Variants in COL18A1 observed in about 807,000 individuals in gnomAD.
The protein encoded by COL18A1 is collagen alpha-1(XVIII) chain.
Under a neutral mutation model 168.0 loss-of-function variants are expected in COL18A1, and 133 were observed. The observed-to-expected ratio is 0.79, with a 90% CI of 0.69 to 0.91. The LOEUF (loss-of-function observed/expected upper bound fraction) is 0.91, where lower values mean the gene tolerates loss of function less well. Ranked by LOEUF, COL18A1 falls within the 40% of genes least tolerant of loss-of-function variation. The pLI, the probability that COL18A1 is intolerant of heterozygous loss-of-function variation, is 0.00. For missense variants in COL18A1, 2,126 were observed against 1,925.4 expected, an observed-to-expected ratio of 1.10 and a Z score of -1.95; for synonymous variants, 949 against 809.0, an observed-to-expected ratio of 1.17 and a Z score of -2.94.
chr21:45,512,307 G>T lies in COL18A1; in HGVS notation c.3929G>T (p.Gly1310Val). ...SATGQASSLLGGRLLGQSAAS... is the reference protein window; with the variant it reads ...SATGQASSLLVGRLLGQSAAS... ...ACGGGCCAGGCCTCCTCGCTGCTGG[G>T]GGGCAGGCTCCTGGGGCAGAGTGCC... Residue 1310 changes from glycine to valine, a missense_variant, in exon 42 of 42, where the codon GGG (glycine) becomes GTG (valine). Transcript: ENST00000651438. The T allele has an allele frequency of 1.2e-6, 2 of 1,612,490 alleles. No homozygotes were observed. The highest frequency in any genetic ancestry group is 2.7e-5 in the African/African-American group (2 of 75,044).
chr21:45,509,520 G>A lies in COL18A1; in HGVS notation c.3414G>A (p.Pro1138=), dbSNP rs755052814. Residue 1138 remains proline (P), a synonymous_variant, in exon 39 of 42, where the codon CCG becomes CCA. Coordinates refer to ENST00000651438, the MANE Select transcript of COL18A1 (RefSeq NM_001379500.1). ...LPEPQPYPGA[P]HHSSYVHLRP... ...AGCCCCAGCCCTACCCCGGAGCCCC[G>A]CACCACAGCTCCTACGTGCACCTGC... 39 of 1,533,546 alleles carry A rather than the reference G, an allele frequency of 2.5e-5. No homozygotes were observed. The highest frequency in any genetic ancestry group is 3.1e-5 in the Non-Finnish European group (35 of 1,139,752). The allele number at this position is 1,533,546 out of a possible 1,614,324, so 95.0% of individuals were successfully genotyped here. A position where few individuals can be genotyped will look rare whatever the true frequency, so the allele number is the denominator to read the frequency against.
At chr21:45,496,169 T>C in intron 29 of COL18A1, 5 of 492,880 alleles carry the variant, frequency 1.0e-5, no homozygotes, top group South Asian at 8.8e-5. Flanking sequence ...TCCACTCTGC[T>C]GTCTTTTGAG....
rs2036490183 is a variant in COL18A1 at position 45,495,254 on chromosome 21, T to C, written c.2434-104T>C. ...AGCTGGGAACGTGTGAGGCTGAGCG[T>C]GGGCCGGCCGGGCCTGGCGTGGGGC... On this transcript the variant is annotated intron_variant, in intron 28 of 41. Coordinates refer to ENST00000651438, the MANE Select transcript of COL18A1 (RefSeq NM_001379500.1). 3.2e-6 allele frequency: 3 copies of C among 944,596 alleles called. No individual in the cohort carries two copies. In the South Asian group the frequency reaches 4.2e-5, roughly 13 times the overall value. The allele number at this position is 944,596 out of a possible 1,614,324, so 58.5% of individuals were successfully genotyped here. A position where few individuals can be genotyped will look rare whatever the true frequency, so the allele number is the denominator to read the frequency against.
At chr21:45,492,454 G>A (rs1457796096) in intron 22 of COL18A1, 81 bp from the exon 23 acceptor site, 3 of 1,528,230 alleles carry the variant, frequency 2.0e-6, no homozygotes, top group Admixed American at 1.7e-5. Flanking sequence ...TTGGTGTTTT[G>A]TTGATCTGTA....
intron 2 of COL18A1, among the ~76,000 whole-genome samples, chr21:45,432,329 G>A (rs9983590): frequency 0.18 from 26,714 of 152,162 alleles, 3,172 homozygotes; most frequent in African/African-American, 0.33. Context: ...CCTTGCAGAT[G>A]CCGCTGAGGG....
At chr21:45,431,385 C>T (rs1256743326) in intron 2 of COL18A1, among the ~76,000 whole-genome samples, 16 of 149,440 alleles carry the variant, frequency 1.1e-4, no homozygotes, top group African/African-American at 3.7e-4. Context: ...ACCCGGCGGC[C>T]CAGGGGAGGG....
intron 2 of COL18A1, chr21:45,455,805 A>T (rs1403888859): frequency 1.2e-6 from 2 of 1,613,468 alleles, no homozygotes; most frequent in South Asian, 2.2e-5. Flanking sequence ...GATGGCCAGG[A>T]CACCCCCACT....
At chr21:45,447,173 CTG>C (rs974431608) in intron 2 of COL18A1, among the ~76,000 whole-genome samples, 1 of 151,558 alleles carries the variant, frequency 6.6e-6, no homozygotes, top group African/African-American at 2.4e-5. Context: ...ACAAGTAAAA[CTG>C]TATTTTTAGA....
rs1000063134 is a variant in COL18A1 at position 45,495,392 on chromosome 21, A to C, written c.2468A>C (p.Lys823Thr). 1 of 1,611,792 alleles carries C rather than the reference A, an allele frequency of 6.2e-7. No individual in the cohort carries two copies. Among genetic ancestry groups the C allele is most frequent in the South Asian group, 1.1e-5 (1 of 90,722 alleles). The change falls in exon 29 of 42, where the codon AAA (lysine) becomes ACA (threonine). Residue 823 changes from lysine to threonine, a missense_variant. Transcript: ENST00000651438. ...RPGMNGLKGE[K>T]GEPGDASLGF... is the part of the protein sequence containing the mutation. ...GGGATGAACGGATTGAAAGGAGAGA[A>C]AGGGGAGCCGGGAGATGCCAGCCTT... is the stretch of plus-strand genomic sequence containing the variant.
Position 45,505,388 on chromosome 21 carries a change from CTGGGCCCCCTGGGCCCCCT to C in COL18A1, c.3045_3063del (p.Gly1016GlufsTer9). The C allele has an allele frequency of 6.4e-7, 1 of 1,571,910 alleles. No individual in the cohort carries two copies. The highest frequency in any genetic ancestry group is 8.7e-7 in the Non-Finnish European group (1 of 1,149,160). On this transcript the variant is annotated frameshift_variant, in exon 36 of 42. Coordinates refer to ENST00000651438, the MANE Select transcript of COL18A1 (RefSeq NM_001379500.1). LOFTEE classifies it high-confidence loss of function. ...AGCGTTCCCGGCCCTCCGGGCCCCC[CTGGGCCCCCTGGGCCCCCT>C]GGAACCATGGGCGCCTCCTCAGGGG...
At chr21:45,481,795 C>T (rs950247371) in intron 13 of COL18A1, among the ~76,000 whole-genome samples, 168 bp from the exon 14 acceptor site, 91 of 152,222 alleles carry the variant, frequency 6.0e-4, no homozygotes, top group Non-Finnish European at 2.4e-4. Flanking sequence ...CTGCGGGCTA[C>T]GCAGGCTGTG....
chr21:45,510,101 G>T lies in COL18A1; in HGVS notation c.3533G>T (p.Gly1178Val). The change falls in exon 40 of 42, where the codon GGC (glycine) becomes GTC (valine). Residue 1178 changes from glycine (G) to valine (V), a missense_variant. Transcript: ENST00000651438. ...LVALNSPLSG[G>V]MRGIRGADFQ... ...GCGCTCAACAGCCCCCTGTCAGGCG[G>T]CATGCGGGGCATCCGCGGGGCCGAC... 1.3e-6 allele frequency: 2 copies of T among 1,590,444 alleles called. No homozygotes were observed. The highest frequency in any genetic ancestry group is 8.5e-7 in the Non-Finnish European group (1 of 1,171,040).
intron 37 of COL18A1, chr21:45,506,175 A>G (rs1221016963): frequency 7.4e-6 from 5 of 672,396 alleles, no homozygotes; most frequent in Non-Finnish European, 1.3e-5. Context: ...AAGCTTCTGA[A>G]AGTGGATGAA....
intron 9 of COL18A1, among the ~76,000 whole-genome samples, chr21:45,479,432 GCA>G (rs1330952398): frequency 4.0e-5 from 6 of 151,734 alleles, no homozygotes; most frequent in Admixed American, 2.0e-4. Context: ...GTGGACACAT[GCA>G]CACACACCAC....
chr21:45,488,357 A>G (rs1602527017), intron 17 of COL18A1, 61 bp from the exon 18 acceptor site: 4 of 1,612,106 alleles, frequency 2.5e-6, no homozygotes, highest in Non-Finnish European at 3.4e-6. Flanking sequence ...TTCTTGCGGC[A>G]GACGCATCTC....
Position 45,487,323 on chromosome 21 carries a change from G to T in COL18A1, c.1834-124G>T. On this transcript the variant is annotated intron_variant, in intron 16 of 41. Transcript: ENST00000651438. ...TAGACAGTCCCCATCTGAGAACGGC[G>T]GCTCCCCAGGCCACCGTGGCCCCAA... 4.3e-6 allele frequency: 5 copies of T among 1,151,060 alleles called. No homozygotes were observed. In the Admixed American group the frequency reaches 9.7e-5, roughly 22 times the overall value. 71.3% of individuals were successfully genotyped at this position (1,151,060 alleles called of 1,614,324 possible). A position where few individuals can be genotyped will look rare whatever the true frequency, so the allele number is the denominator to read the frequency against.
In COL18A1 at chr21:45,475,417, G is replaced by A. The variant is rs141574045; in HGVS notation, c.739-59G>A. 2,448 of 1,486,174 alleles carry A rather than the reference G, an allele frequency of 1.6e-3. 32 individuals carry two copies. In the African/African-American group the frequency reaches 0.031, roughly 19 times the overall value. 92.1% of individuals were successfully genotyped at this position (1,486,174 alleles called of 1,614,324 possible). On this transcript the variant is annotated intron_variant, in intron 4 of 41. Coordinates refer to ENST00000651438, the MANE Select transcript of COL18A1 (RefSeq NM_001379500.1). The stretch of plus-strand genomic sequence containing the variant: ...GCGTCCTTTGCTTCCCAGGCCTGCC[G>A]GGCTCGGGGCCTGGCCTGGCTGCCA...
intron 2 of COL18A1, among the ~76,000 whole-genome samples, chr21:45,451,073 G>A (rs1480829556): frequency 6.6e-6 from 1 of 152,224 alleles, no homozygotes; most frequent in Non-Finnish European, 1.5e-5. Flanking sequence ...CAGGTCCTCT[G>A]GGGGGTGTGA....
chr21:45,460,928 C>A (rs970430939), intron 2 of COL18A1, among the ~76,000 whole-genome samples: 3 of 152,166 alleles, frequency 2.0e-5, no homozygotes, highest in Admixed American at 6.5e-5. Context: ...CTGAACTAAG[C>A]ACAGACAGAA....
Sources: gnomAD v4.1 joint callset for allele counts (sites outside exome capture counted in the v4.1 genomes callset) on GRCh38, gnomAD v4.1.1 for gene constraint, MANE v1.5 for transcripts, NCBI Gene and HGNC (gene_info 2026-07-23, HGNC 2026-07-21) for gene names.